Variants in ELK3 observed in about 807,000 individuals in gnomAD.
ELK3 encodes ETS domain-containing protein Elk-3.
ELK3 carries 10 observed loss-of-function variants against 28.9 expected under a neutral mutation model. The ratio of observed to expected loss-of-function variants is 0.35; its 90% CI spans 0.21 to 0.59. The LOEUF (loss-of-function observed/expected upper bound fraction) is 0.59. Among genes scored for constraint, ELK3 ranks in the 20% least tolerant of loss-of-function variants. ELK3 has a pLI of 0.82. For synonymous variants in ELK3, 272 were observed against 243.5 expected, an observed-to-expected ratio of 1.12 and a Z score of -1.09; for missense variants, 463 against 517.3, an observed-to-expected ratio of 0.90 and a Z score of 1.02.
chr12:96,220,497 C>T (rs1411359167), intron 1 of ELK3, among the ~76,000 whole-genome samples: 2 of 148,772 alleles, frequency 1.3e-5, no homozygotes, highest in South Asian at 2.1e-4. Flanking sequence ...AAGCTATTCT[C>T]CTGCCTCAGC....
intron 3 of ELK3, chr12:96,255,602 T>A (rs182225452): frequency 1.6e-4 from 25 of 152,290 alleles, no homozygotes; most frequent in African/African-American, 5.5e-4. Context: ...CTCTGTAAAA[T>A]ATTTGAAGAG....
chr12:96,203,699 G>A (rs1423508520), intron 1 of ELK3, among the ~76,000 whole-genome samples: 1 of 152,164 alleles, frequency 6.6e-6, no homozygotes, highest in Non-Finnish European at 1.5e-5. Context: ...CCAGCACTTT[G>A]AGAGGCCGAG....
At chr12:96,234,353 A>T (rs191678106) in intron 2 of ELK3, among the ~76,000 whole-genome samples, 1 of 152,306 alleles carries the variant, frequency 6.6e-6, no homozygotes, top group East Asian at 1.9e-4. Flanking sequence ...CACTTACGTC[A>T]GGCTGTTGCC....
intron 2 of ELK3, among the ~76,000 whole-genome samples, chr12:96,244,813 TGGG>T (rs1464372700): frequency 6.6e-6 from 1 of 152,198 alleles, no homozygotes; most frequent in Non-Finnish European, 1.5e-5. Context: ...TATTTCCTGC[TGGG>T]AGCTGATTTT....
intron 1 of ELK3, among the ~76,000 whole-genome samples, chr12:96,221,259 A>G (rs1951659560): frequency 6.6e-6 from 1 of 152,216 alleles, no homozygotes; most frequent in Non-Finnish European, 1.5e-5. Context: ...ATTGCAATGA[A>G]AAGTGATTCT....
chr12:96,203,718 A>T (rs2137000689), intron 1 of ELK3, among the ~76,000 whole-genome samples: 1 of 152,340 alleles, frequency 6.6e-6, no homozygotes, highest in South Asian at 2.1e-4. Flanking sequence ...AGGCGGGCAG[A>T]TCACTTGAGG....
intron 2 of ELK3, among the ~76,000 whole-genome samples, chr12:96,225,107 C>T (rs1316514293): frequency 3.9e-5 from 6 of 152,178 alleles, no homozygotes; most frequent in Admixed American, 3.3e-4. Context: ...CTGAAAGCCT[C>T]GCAGATGGCT....
intron 1 of ELK3, among the ~76,000 whole-genome samples, chr12:96,198,809 C>T (rs1951489697): frequency 1.3e-5 from 2 of 152,164 alleles, no homozygotes; most frequent in African/African-American, 4.8e-5. Flanking sequence ...CACACATGCA[C>T]ATACCATTTT....
At chr12:96,227,794 C>T (rs900784923) in intron 2 of ELK3, among the ~76,000 whole-genome samples, 2 of 152,164 alleles carry the variant, frequency 1.3e-5, no homozygotes, top group Admixed American at 6.5e-5. Flanking sequence ...TGACTGTGGC[C>T]GTGTTGCCTA....
intron 1 of ELK3, among the ~76,000 whole-genome samples, chr12:96,211,858 T>C (rs1951581710): frequency 1.3e-5 from 2 of 152,378 alleles, no homozygotes; most frequent in South Asian, 4.1e-4. Context: ...TCCAGTATTA[T>C]GAAACAGTCT....
At chr12:96,219,332 G>A (rs113676298) in intron 1 of ELK3, among the ~76,000 whole-genome samples, 3,044 of 152,166 alleles carry the variant, frequency 0.02, 107 homozygotes, top group African/African-American at 0.069. Flanking sequence ...TCCGGTGAGA[G>A]AGATACTCAT....
intron 3 of ELK3, among the ~76,000 whole-genome samples, chr12:96,256,942 C>T (rs1482613598): frequency 6.6e-6 from 1 of 152,130 alleles, no homozygotes; most frequent in Non-Finnish European, 1.5e-5. Flanking sequence ...GGAAGATGAA[C>T]TGAGTGGGGA....
chr12:96,234,329 G>A (rs1364792489), intron 2 of ELK3, among the ~76,000 whole-genome samples: 1 of 152,158 alleles, frequency 6.6e-6, no homozygotes, highest in Admixed American at 6.5e-5. Context: ...AAGCTCTTGC[G>A]GCCTTGCCAG....
At chr12:96,242,030 C>A (rs1951824993) in intron 2 of ELK3, among the ~76,000 whole-genome samples, 1 of 152,220 alleles carries the variant, frequency 6.6e-6, no homozygotes. Flanking sequence ...ACTCTAAAAC[C>A]ACGCTGGAGA....
At chr12:96,208,248 C>T (rs972289336) in intron 1 of ELK3, among the ~76,000 whole-genome samples, 3 of 152,236 alleles carry the variant, frequency 2.0e-5, no homozygotes, top group East Asian at 1.9e-4. Context: ...GACGGGGTTT[C>T]GCCATGTTGG....
At chr12:96,198,588 T>C (rs1181599002) in intron 1 of ELK3, among the ~76,000 whole-genome samples, 2 of 152,234 alleles carry the variant, frequency 1.3e-5, no homozygotes, top group Non-Finnish European at 2.9e-5. Context: ...GATCGACTTA[T>C]AACACACTTT....
chr12:96,234,626 CATTTTGTT>C (rs1951767715), intron 2 of ELK3, among the ~76,000 whole-genome samples: 1 of 152,212 alleles, frequency 6.6e-6, no homozygotes, highest in Admixed American at 6.5e-5. Flanking sequence ...GTGTGTGCAG[CATTTTGTT>C]TTAAGCCAGG....
Position 96,259,747 on chromosome 12 carries a change from T to G in ELK3, c.1019T>G (p.Leu340Arg). The stretch of plus-strand genomic sequence containing the variant: ...ACTTCCCAGACACCAAATGGATTGC[T>G]TCTGACTCCGAGTCCACTGCTCTCC... ...FFTAQTPNGL[L>R]LTPSPLLSSI... The change falls in exon 4 of 5, where the codon CTT becomes CGT. Residue 340 changes from leucine (L) to arginine (R), a missense_variant. Leu to Arg is a moderately radical substitution (Grantham distance 102). Coordinates refer to ENST00000228741, the MANE Select transcript of ELK3 (RefSeq NM_005230.4). The G allele has an allele frequency of 6.2e-7, 1 of 1,610,236 alleles. No individual in the cohort carries two copies. The highest frequency in any genetic ancestry group is 8.5e-7 in the Non-Finnish European group (1 of 1,178,504).
intron 1 of ELK3, among the ~76,000 whole-genome samples, chr12:96,217,166 G>A (rs1005035877): frequency 6.6e-6 from 1 of 152,240 alleles, no homozygotes; most frequent in Non-Finnish European, 1.5e-5. Flanking sequence ...TGGGAGGATT[G>A]TTTGACCCCA....
Sources: gnomAD v4.1 joint callset for allele counts (sites outside exome capture counted in the v4.1 genomes callset) on GRCh38, gnomAD v4.1.1 for gene constraint, MANE v1.5 for transcripts, NCBI Gene and HGNC (gene_info 2026-07-23, HGNC 2026-07-21) for gene names.